The following RBFOX3 variants were observed in gnomAD, a reference collection of about 807,000 sequenced individuals.
RBFOX3 encodes RNA binding fox-1 homolog 3, also known as RNA binding protein fox-1 homolog 3.
In RBFOX3, 17 loss-of-function variants were observed where a neutral mutation model predicts 48.7. The observed-to-expected ratio is 0.35, with a 90% CI of 0.24 to 0.52. The LOEUF is 0.52. Ranked by LOEUF, RBFOX3 falls within the 20% of genes least tolerant of loss-of-function variation. The pLI is 0.94. For synonymous variants in RBFOX3, 212 were observed against 209.5 expected, an observed-to-expected ratio of 1.01 and a Z score of -0.10; for missense variants, 382 against 497.5, an observed-to-expected ratio of 0.77 and a Z score of 2.21.
intron 2 of RBFOX3, among the ~76,000 whole-genome samples, chr17:79,368,780 C>A (rs940751297): frequency 1.2e-4 from 18 of 152,308 alleles, no homozygotes; most frequent in Non-Finnish European, 2.4e-4. Flanking sequence ...AGGGCTGACA[C>A]CATTAGGGCC....
At chr17:79,270,477 C>A (rs1300845622) in intron 3 of RBFOX3, among the ~76,000 whole-genome samples, 1 of 152,234 alleles carries the variant, frequency 6.6e-6, no homozygotes, top group Admixed American at 6.5e-5. Flanking sequence ...ATCCACCATG[C>A]CTCCCCTTCT....
the RBFOX3 span, among the ~76,000 whole-genome samples, chr17:79,662,132 C>CTTT: frequency 1.2e-4 from 12 of 96,856 alleles, no homozygotes. Flanking sequence ...CCTGTTTATT[C>CTTT]TTTTTTTTTT....
intron 4 of RBFOX3, among the ~76,000 whole-genome samples, chr17:79,119,159 C>A (rs73400176): frequency 0.028 from 4,300 of 152,172 alleles, 68 homozygotes; most frequent in African/African-American, 0.051. Context: ...AAGCCCAGAG[C>A]CCTGAGCTAA....
At chr17:79,572,166 G>A (rs949359749) in intron 1 of RBFOX3, among the ~76,000 whole-genome samples, 4,435 of 152,202 alleles carry the variant, frequency 0.029, 197 homozygotes, top group African/African-American at 0.1. Flanking sequence ...ACTGGGCTGG[G>A]ATTCAGGTCC....
chr17:79,633,694 C>T, the RBFOX3 span, among the ~76,000 whole-genome samples: 1 of 152,042 alleles, frequency 6.6e-6, no homozygotes, highest in Admixed American at 6.5e-5. Context: ...GTCAATAAAC[C>T]GAGGGCCAGG....
chr17:79,647,118 C>T, the RBFOX3 span, among the ~76,000 whole-genome samples: 2 of 151,810 alleles, frequency 1.3e-5, no homozygotes, highest in Non-Finnish European at 2.9e-5. Flanking sequence ...GAGAGGACTT[C>T]ATCTGCTCAT....
In RBFOX3 at chr17:79,299,846, ATC is replaced by A. The variant is rs1262431185; in HGVS notation, c.-74+7876_-74+7877del. On this transcript the variant is annotated intron_variant, in intron 3 of 14. Coordinates refer to ENST00000693108, the MANE Select transcript of RBFOX3 (RefSeq NM_001350451.2). The surrounding 1 kb of genome is among the most constrained non-coding windows in gnomAD (Gnocchi z 4.5). The stretch of plus-strand genomic sequence containing the variant: ...GAGCAGCCACATCCCTGCCTCCAGC[ATC>A]TCTGTTTAGCCAGCTTCTCAGTACC... Among the ~76,000 whole-genome samples the A allele has an allele frequency of 6.6e-6, 1 of 152,108 alleles. No homozygotes were observed. The highest frequency in any genetic ancestry group is 1.5e-5 in the Non-Finnish European group (1 of 68,026).
the RBFOX3 span, among the ~76,000 whole-genome samples, chr17:79,662,249 A>T: frequency 1.6e-4 from 24 of 148,618 alleles, no homozygotes; most frequent in East Asian, 4.7e-3. Flanking sequence ...CAGCCTCCTG[A>T]GTAGCTGGGA....
intron 1 of RBFOX3, among the ~76,000 whole-genome samples, chr17:79,569,973 A>G (rs2092607647): frequency 7.5e-6 from 1 of 132,638 alleles, no homozygotes; most frequent in Non-Finnish European, 1.7e-5. Context: ...GGTGGATTAT[A>G]GATGGATGGT....
chr17:79,376,541 T>C (rs1232913112), intron 2 of RBFOX3, among the ~76,000 whole-genome samples: 1 of 152,184 alleles, frequency 6.6e-6, no homozygotes, highest in Non-Finnish European at 1.5e-5. Context: ...TTTCAAAATA[T>C]TGTAAGAGAA....
chr17:79,646,807 T>C, the RBFOX3 span, among the ~76,000 whole-genome samples: 1 of 152,158 alleles, frequency 6.6e-6, no homozygotes, highest in Admixed American at 6.5e-5. Context: ...ACTGTCCCTC[T>C]GTCCTGCCAG....
At chr17:79,584,436 C>T (rs1379349238) in intron 1 of RBFOX3, among the ~76,000 whole-genome samples, 1 of 152,174 alleles carries the variant, frequency 6.6e-6, no homozygotes. Context: ...AAGATATTTG[C>T]TCATGCATGT....
intron 2 of RBFOX3, among the ~76,000 whole-genome samples, chr17:79,366,573 C>T (rs773318028): frequency 3.3e-4 from 51 of 152,290 alleles, no homozygotes; most frequent in Non-Finnish European, 5.9e-4. Flanking sequence ...TGCTGTCTGC[C>T]GGCGAGAGAG....
At chr17:79,646,170 A>G in the RBFOX3 span, among the ~76,000 whole-genome samples, 1 of 152,088 alleles carries the variant, frequency 6.6e-6, no homozygotes, top group Non-Finnish European at 1.5e-5. Flanking sequence ...AAAATGTACA[A>G]TTGATTTTTT....
intron 1 of RBFOX3, among the ~76,000 whole-genome samples, chr17:79,576,912 CCT>C (rs1244671003): frequency 6.6e-6 from 1 of 152,112 alleles, no homozygotes; most frequent in Non-Finnish European, 1.5e-5. Flanking sequence ...CTTGTAGTCC[CCT>C]CCCACCTGGC....
Position 79,111,892 on chromosome 17 carries a change from C to T in RBFOX3, c.222+3602G>A, listed in dbSNP as rs562673492. On this transcript the variant is annotated intron_variant, in intron 5 of 14. Transcript: ENST00000693108. The surrounding 1 kb of genome is among the most constrained non-coding windows in gnomAD (Gnocchi z 4.2). ...CTCAAGGTAGTGAGATGGGGTCCCC[C>T]GGTCCTTCCGCAGCCCCTCATCGCA... 1.4e-4 allele frequency among the ~76,000 whole-genome samples: 22 copies of T among 152,330 alleles called. No individual in the cohort carries two copies. Among genetic ancestry groups the T allele is most frequent in the Middle Eastern group, 3.4e-3 (1 of 294 alleles).
chr17:79,652,201 C>T, the RBFOX3 span, among the ~76,000 whole-genome samples: 1 of 151,968 alleles, frequency 6.6e-6, no homozygotes, highest in East Asian at 1.9e-4. Context: ...GTATGCTTTA[C>T]AAAGAGAAGA....
chr17:79,279,341 T>C lies in RBFOX3; in HGVS notation c.-74+28383A>G, dbSNP rs1036789908. Among the ~76,000 whole-genome samples the C allele has an allele frequency of 7.2e-5, 11 of 152,232 alleles. No individual in the cohort carries two copies. The Middle Eastern group carries it at 0.014, about 188-fold the overall frequency. ...CAGGGTCCCACAGCACCCAGGACAT[T>C]CCCTCCTCCAGTGCTTACATTCTGG... is the stretch of plus-strand genomic sequence containing the variant. On this transcript the variant is annotated intron_variant, in intron 3 of 14. Coordinates refer to ENST00000693108, the MANE Select transcript of RBFOX3 (RefSeq NM_001350451.2).
At chr17:79,327,552 A>G (rs9907544) in intron 2 of RBFOX3, among the ~76,000 whole-genome samples, 73,844 of 152,240 alleles carry the variant, frequency 0.49, 18,229 homozygotes, top group East Asian at 0.65. Context: ...GCAGAAGCTC[A>G]AGGTGTCTTT....
Sources: gnomAD v4.1 joint callset for allele counts (sites outside exome capture counted in the v4.1 genomes callset) on GRCh38, gnomAD v4.1.1 for gene constraint, Gnocchi (gnomAD v3.1) non-coding constraint, MANE v1.5 for transcripts, NCBI Gene and HGNC (gene_info 2026-07-23, HGNC 2026-07-21) for gene names.